Variants in PHB1 observed in about 807,000 individuals in gnomAD.
PHB1 encodes the protein epididymis luminal protein 215.
At chr17:49,409,705 C>G in the PHB1 span, among the ~76,000 whole-genome samples, 8 of 151,830 alleles carry the variant, frequency 5.3e-5, no homozygotes. Context: ...CCACACCCAG[C>G]TGTTTTGTAT....
chr17:49,409,252 C>A, the PHB1 span: 5 of 1,594,586 alleles, frequency 3.1e-6, no homozygotes, highest in Non-Finnish European at 4.3e-6. Context: ...AACCAACCCA[C>A]TGCCAAGCGC....
the PHB1 span, among the ~76,000 whole-genome samples, chr17:49,411,461 G>T: frequency 0.24 from 36,938 of 152,020 alleles, 5,383 homozygotes; most frequent in Non-Finnish European, 0.33. Context: ...GCCTCCCAAA[G>T]TGCTGGGATT....
the PHB1 span, chr17:49,404,199 C>T: frequency 1.3e-5 from 2 of 152,698 alleles, no homozygotes; most frequent in African/African-American, 4.8e-5. Flanking sequence ...CAGGCATGTT[C>T]AGCCCCAGCA....
chr17:49,409,266 C>G, the PHB1 span: 3 of 1,605,178 alleles, frequency 1.9e-6, no homozygotes, highest in Non-Finnish European at 1.7e-6. Context: ...CAAGCGCTTC[C>G]TGCCACCTGG....
At chr17:49,404,153 G>A in the PHB1 span, 3 of 152,674 alleles carry the variant, frequency 2.0e-5, no homozygotes, top group South Asian at 4.1e-4. Context: ...GTCTCTGAAT[G>A]AGGGGGCCAG....
chr17:49,409,165 T>C, the PHB1 span: 805 of 1,609,932 alleles, frequency 5.0e-4, no homozygotes, highest in Non-Finnish European at 6.6e-4. Context: ...GAGCCTGGTT[T>C]CAAAGGGAGG....
At chr17:49,409,060 G>A in the PHB1 span, 1 of 1,605,490 alleles carries the variant, frequency 6.2e-7, no homozygotes, top group Non-Finnish European at 8.5e-7. Context: ...CGTCATCCAG[G>A]ATGAGCCCAA....
the PHB1 span, chr17:49,412,035 C>G: frequency 3.6e-6 from 2 of 553,744 alleles, no homozygotes; most frequent in South Asian, 5.0e-5. Flanking sequence ...TTCCACATGT[C>G]CCCAAGGATT....
At chr17:49,414,654 C>T in the PHB1 span, 1 of 152,288 alleles carries the variant, frequency 6.6e-6, no homozygotes, top group African/African-American at 2.4e-5. Flanking sequence ...CTCACCCTGC[C>T]TCCATGGACA....
the PHB1 span, chr17:49,413,411 TA>T: frequency 1.6e-6 from 1 of 625,932 alleles, no homozygotes; most frequent in Non-Finnish European, 2.9e-6. Flanking sequence ...CTGAAAGTGC[TA>T]AATCATCCAT....
At chr17:49,409,185 G>C in the PHB1 span, 1 of 1,586,606 alleles carries the variant, frequency 6.3e-7, no homozygotes, top group East Asian at 2.2e-5. Flanking sequence ...GAGCAGAAGG[G>C]CAGGTCAGGT....
At chr17:49,409,218 C>A in the PHB1 span, 1 of 1,572,562 alleles carries the variant, frequency 6.4e-7, no homozygotes, top group Non-Finnish European at 8.7e-7. Flanking sequence ...AGAAAAGGAA[C>A]CAGGAAACTA....
chr17:49,412,368 T>G, the PHB1 span: 1 of 155,360 alleles, frequency 6.4e-6, no homozygotes, highest in Admixed American at 6.2e-5. Flanking sequence ...GATGGCAATT[T>G]CTGTCTAGTT....
chr17:49,409,435 G>A, the PHB1 span: 2 of 1,614,082 alleles, frequency 1.2e-6, no homozygotes, highest in Non-Finnish European at 1.7e-6. Context: ...GCGACAGGCC[G>A]GAAGAGGATG....
the PHB1 span, chr17:49,411,723 A>C: frequency 6.2e-7 from 1 of 1,614,168 alleles, no homozygotes; most frequent in Non-Finnish European, 8.5e-7. Context: ...CGAGAACGGC[A>C]GTCAAAGATA....
At chr17:49,414,301 C>G in the PHB1 span, 1 of 151,970 alleles carries the variant, frequency 6.6e-6, no homozygotes, top group Admixed American at 6.6e-5. Flanking sequence ...CTTATGGAAG[C>G]AGGAGCTGGA....
At chr17:49,404,883 T>C in the PHB1 span, 1 of 722,692 alleles carries the variant, frequency 1.4e-6, no homozygotes, top group Non-Finnish European at 2.4e-6. Context: ...TTTAAGCCAA[T>C]CATGAAATTT....
the PHB1 span, among the ~76,000 whole-genome samples, chr17:49,406,090 A>T: frequency 0.029 from 4,390 of 152,308 alleles, 218 homozygotes; most frequent in African/African-American, 0.098. Context: ...CAGGCACTGT[A>T]CTAGACTTAT....
At chr17:49,407,376 C>T in the PHB1 span, 3 of 156,934 alleles carry the variant, frequency 1.9e-5, no homozygotes, top group African/African-American at 7.2e-5. Context: ...AGCAGCTCCA[C>T]CACTGAACAG....
Sources: allele counts gnomAD v4.1 joint callset (sites outside exome capture counted in the v4.1 genomes callset), GRCh38; gene constraint gnomAD v4.1.1; transcripts MANE v1.5; gene names NCBI Gene and HGNC (gene_info 2026-07-23, HGNC 2026-07-21).